Variants in RAB11FIP5 observed in about 807,000 individuals in gnomAD.
RAB11FIP5 encodes the protein rab11 family-interacting protein 5.
A neutral mutation model predicts 85.1 loss-of-function variants in RAB11FIP5; 48 were observed. The ratio of observed to expected loss-of-function variants is 0.56; its 90% CI spans 0.45 to 0.72. The LOEUF (loss-of-function observed/expected upper bound fraction) is 0.72. RAB11FIP5 is among the 30% of genes least tolerant of loss of function. RAB11FIP5 has a pLI of 0.00. For synonymous variants in RAB11FIP5, 729 were observed against 727.3 expected (o/e 1.00, Z -0.04); for missense variants, 1,491 against 1,687.0 (o/e 0.88, Z 2.04).
At chr2:73,096,101 C>T (rs1309544322) in intron 1 of RAB11FIP5, among the ~76,000 whole-genome samples, 1 of 152,228 alleles carries the variant, frequency 6.6e-6, no homozygotes. Context: ...CACCAGGCCC[C>T]GTGTGGACTT....
In RAB11FIP5 at chr2:73,081,121, C is replaced by T. The variant is rs1372583567; in HGVS notation, c.2111G>A (p.Gly704Glu). Reference protein sequence around the residue: ...AEPQGEPGGGGGGGGGGGGRG... With the variant: ...AEPQGEPGGGEGGGGGGGGRG... ...TCCTCCTCCTCCTCCTCCTCCTCCT[C>T]CTCCTCCCCCAGGCTCTCCCTGGGG... The change falls in exon 4 of 6, where the codon GGA becomes GAA. Residue 704 changes from glycine (G) to glutamate (E), a missense_variant. Gly to Glu is a moderately conservative substitution (Grantham distance 98). Transcript: ENST00000486777. The surrounding 1 kb of genome is among the most constrained non-coding windows in gnomAD (Gnocchi z 4.2). 2 of 1,234,244 alleles carry T rather than the reference C, an allele frequency of 1.6e-6. No individual in the cohort carries two copies. The highest frequency in any genetic ancestry group is 2.0e-6 in the Non-Finnish European group (2 of 989,682). 76.5% of individuals were successfully genotyped at this position (1,234,244 alleles called of 1,614,324 possible).
In RAB11FIP5 at chr2:73,089,976, A is replaced by G. The variant is rs1389254033; in HGVS notation, c.432-661T>C. On this transcript the variant is annotated intron_variant, in intron 1 of 5. Transcript: ENST00000486777. This position sits in a 1 kb window ranked among gnomAD's most constrained non-coding sequence, Gnocchi z 4.6. ...AGGAATACCTCTACAAGATGCAGGA[A>G]CAGACAAGAATGGCAGAAAGAGACC... 6.6e-6 allele frequency among the ~76,000 whole-genome samples: 1 copy of G among 152,182 alleles called. No individual in the cohort carries two copies. The highest frequency in any genetic ancestry group is 2.4e-5 in the African/African-American group (1 of 41,440).
In RAB11FIP5 at chr2:73,112,480, C is replaced by A. The variant is rs755516171; in HGVS notation, c.298G>T (p.Ala100Ser). 2 of 1,468,230 alleles carry A rather than the reference C, an allele frequency of 1.4e-6. No individual in the cohort carries two copies. The highest frequency in any genetic ancestry group is 3.0e-5 in the Admixed American group (1 of 33,128). The allele number at this position is 1,468,230 out of a possible 1,614,324, so 91.0% of individuals were successfully genotyped here. ...EADAGPAPWA[A>S]SSAAACELVL... is the part of the protein sequence containing the mutation. The stretch of plus-strand genomic sequence containing the variant: ...AGCTCGCAGGCGGCGGCGGAGCTCG[C>A]GGCCCAGGGCGCCGGGCCCGCGTCG... The change falls in exon 1 of 6, where the codon GCG becomes TCG. Residue 100 changes from alanine to serine, a missense_variant. This residue lies in a region of RAB11FIP5 where 1,211 missense variants were observed against 1,338.0 expected (regional missense o/e 0.91). Transcript: ENST00000486777.
intron 1 of RAB11FIP5, among the ~76,000 whole-genome samples, chr2:73,092,759 C>G (rs1174944267): frequency 1.3e-5 from 2 of 152,218 alleles, no homozygotes; most frequent in African/African-American, 4.8e-5. Flanking sequence ...TTTTTAGGCT[C>G]TCCCATCCAG....
Position 73,112,520 on chromosome 2 carries a change from C to T in RAB11FIP5, c.258G>A (p.Leu86=). 6.6e-7 allele frequency: 1 copy of T among 1,515,416 alleles called. No individual in the cohort carries two copies. The highest frequency in any genetic ancestry group is 2.2e-5 in the Admixed American group (1 of 46,030). The allele number at this position is 1,515,416 out of a possible 1,614,324, so 93.9% of individuals were successfully genotyped here. A position where few individuals can be genotyped will look rare whatever the true frequency, so the allele number is the denominator to read the frequency against. ...GGCCCGCGTCGGCCTCCTGCGCCCG[C>T]AGCAGGCCATCCAGGGCCCCCGGCG... ...ELPPGALDGL[L]RAQEADAGPA... The change falls in exon 1 of 6, where the codon CTG becomes CTA. Residue 86 remains leucine, a synonymous_variant. Coordinates refer to ENST00000486777, the MANE Select transcript of RAB11FIP5 (RefSeq NM_001371272.1).
Position 73,075,799 on chromosome 2 carries a change from CGCCT to C in RAB11FIP5, c.3772-79_3772-76del, listed in dbSNP as rs1202623246. 7 of 1,492,680 alleles carry C rather than the reference CGCCT, an allele frequency of 4.7e-6. No individual in the cohort carries two copies. The East Asian group carries it at 1.6e-4, about 35-fold the overall frequency. 92.5% of individuals were successfully genotyped at this position (1,492,680 alleles called of 1,614,324 possible). A position where few individuals can be genotyped will look rare whatever the true frequency, so the allele number is the denominator to read the frequency against. On this transcript the variant is annotated intron_variant, in intron 5 of 5. Coordinates refer to ENST00000486777, the MANE Select transcript of RAB11FIP5 (RefSeq NM_001371272.1). The surrounding 1 kb of genome is among the most constrained non-coding windows in gnomAD (Gnocchi z 4.6). ...CTGCCTGCCCGCTTGCCCGCCCGCC[CGCCT>C]GCCCACCAACACCTAAGTTTCACCA... is the stretch of plus-strand genomic sequence containing the variant.
In RAB11FIP5 at chr2:73,080,593, G is replaced by A. The variant is rs1240037769; in HGVS notation, c.2639C>T (p.Pro880Leu). The change falls in exon 4 of 6, where the codon CCA (proline) becomes CTA (leucine). Residue 880 changes from proline to leucine, a missense_variant. Coordinates refer to ENST00000486777, the MANE Select transcript of RAB11FIP5 (RefSeq NM_001371272.1). ...CTCGGGTTTAGGCTCGGGCTCCGGTGGGGGAAGCCCCTCGCTCCCCTTGGG... is the reference window on the plus strand; with the variant it reads ...CTCGGGTTTAGGCTCGGGCTCCGGTAGGGGAAGCCCCTCGCTCCCCTTGGG... ...VSPKGSEGLPPPEPEPKPEWV... is the reference protein window; with the variant it reads ...VSPKGSEGLPLPEPEPKPEWV... 1.6e-6 allele frequency: 2 copies of A among 1,232,440 alleles called. No individual in the cohort carries two copies. Among genetic ancestry groups the A allele is most frequent in the African/African-American group, 3.1e-5 (2 of 64,554 alleles). 76.3% of individuals were successfully genotyped at this position (1,232,440 alleles called of 1,614,324 possible).
At chr2:73,110,109 G>A (rs1419947378) in intron 1 of RAB11FIP5, among the ~76,000 whole-genome samples, 1 of 152,156 alleles carries the variant, frequency 6.6e-6, no homozygotes, top group Non-Finnish European at 1.5e-5. Flanking sequence ...ACCTTCCCCA[G>A]TCAGGTCCTC....
rs1683940561 is a variant in RAB11FIP5 at position 73,079,971 on chromosome 2, T to C, written c.3261A>G (p.Glu1087=). The C allele has an allele frequency of 8.1e-7, 1 of 1,232,058 alleles. No individual in the cohort carries two copies. The highest frequency in any genetic ancestry group is 3.2e-5 in the East Asian group (1 of 31,684). 76.3% of individuals were successfully genotyped at this position (1,232,058 alleles called of 1,614,324 possible). A position where few individuals can be genotyped will look rare whatever the true frequency, so the allele number is the denominator to read the frequency against. Residue 1087 remains glutamate (E), a synonymous_variant, in exon 4 of 6, where the codon GAA becomes GAG. Coordinates refer to ENST00000486777, the MANE Select transcript of RAB11FIP5 (RefSeq NM_001371272.1). ...LSSASPPGSR[E]SSIHSGPEEL... ...CTTCTGGACCAGAATGAATAGAAGA[T>C]TCCCTCGACCCTGGCGGGGATGCAG...
Position 73,080,347 on chromosome 2 carries a change from T to C in RAB11FIP5, c.2885A>G (p.Asp962Gly). The C allele has an allele frequency of 8.1e-7, 1 of 1,232,744 alleles. No individual in the cohort carries two copies. 76.4% of individuals were successfully genotyped at this position (1,232,744 alleles called of 1,614,324 possible). Residue 962 changes from aspartate (D) to glycine (G), a missense_variant, in exon 4 of 6, where the codon GAC becomes GGC. By Grantham distance (94) the Asp-to-Gly change is moderately conservative. Transcript: ENST00000486777. Reference sequence around the variant, plus strand: ...CAGCAGGGTTGCAGAGGAGCAGCTGTCAGACTCCTCCGACTCACGCTTCTC... The same window carrying C: ...CAGCAGGGTTGCAGAGGAGCAGCTGCCAGACTCCTCCGACTCACGCTTCTC... Reference protein sequence around the residue: ...EGEKRESEESDSCSSATLLGQ... With the variant: ...EGEKRESEESGSCSSATLLGQ...
chr2:73,111,504 A>T lies in RAB11FIP5; in HGVS notation c.431+843T>A, dbSNP rs1378674700. 2.0e-5 allele frequency among the ~76,000 whole-genome samples: 3 copies of T among 152,220 alleles called. No homozygotes were observed. In the South Asian group the frequency reaches 6.2e-4, roughly 31 times the overall value. On this transcript the variant is annotated intron_variant, in intron 1 of 5. Transcript: ENST00000486777. ...CTCCTGCCCAAGCCCAAAACAGGAA[A>T]TGGGGCTCCAAGGCTGAAGCCTTGA...
At position 73,075,030 on chromosome 2, in the gene RAB11FIP5, C is replaced by T. The variant is rs1683824781; in HGVS notation, c.*491G>A. 2.8e-6 allele frequency: 1 copy of T among 358,718 alleles called. No individual in the cohort carries two copies. The highest frequency in any genetic ancestry group is 2.1e-5 in the African/African-American group (1 of 46,912). 22.2% of individuals were successfully genotyped at this position (358,718 alleles called of 1,614,324 possible). A position where few individuals can be genotyped will look rare whatever the true frequency, so the allele number is the denominator to read the frequency against. On this transcript the variant is annotated 3_prime_UTR_variant, in exon 6 of 6. Transcript: ENST00000486777. The surrounding 1 kb of genome is among the most constrained non-coding windows in gnomAD (Gnocchi z 4.6). ...GGCTGAAGAGGCTGGTTGCCCGTAA[C>T]TCACAGACAAACAGGCAGCGTGGTC...
Position 73,088,497 on chromosome 2 carries a change from C to A in RAB11FIP5, c.1121G>T (p.Arg374Leu). 1.2e-6 allele frequency: 2 copies of A among 1,613,994 alleles called. No individual in the cohort carries two copies. The highest frequency in any genetic ancestry group is 1.7e-6 in the Non-Finnish European group (2 of 1,180,042). ...SSGSLQAVSS[R>L]FSEEGPRSTD... ...GGAACGAGGCCCCTCCTCGGAGAACCGGGAAGAGACAGCTTGCAAGGAGCC... is the reference window on the plus strand; with the variant it reads ...GGAACGAGGCCCCTCCTCGGAGAACAGGGAAGAGACAGCTTGCAAGGAGCC... Residue 374 changes from arginine to leucine, a missense_variant, in exon 3 of 6, where the codon CGG becomes CTG. Coordinates refer to ENST00000486777, the MANE Select transcript of RAB11FIP5 (RefSeq NM_001371272.1).
chr2:73,090,761 G>C (rs928236215), intron 1 of RAB11FIP5, among the ~76,000 whole-genome samples: 2 of 152,248 alleles, frequency 1.3e-5, no homozygotes, highest in African/African-American at 2.4e-5. Context: ...GCGATGAATA[G>C]GCAGAGCACA....
chr2:73,088,328 C>T lies in RAB11FIP5; in HGVS notation c.1290G>A (p.Glu430=), dbSNP rs140983118. The change falls in exon 3 of 6, where the codon GAG becomes GAA. Residue 430 remains glutamate, a synonymous_variant. Coordinates refer to ENST00000486777, the MANE Select transcript of RAB11FIP5 (RefSeq NM_001371272.1). ...PGEEEGARLP[E]GKPVQVATPI... ...GTGTGGCAACCTGGACTGGCTTGCC[C>T]TCTGGTAGCCGGGCCCCCTCCTCCT... 5.7e-4 allele frequency: 919 copies of T among 1,613,724 alleles called. 4 individuals carry two copies. Among genetic ancestry groups the T allele is most frequent in the African/African-American group, 5.7e-3 (425 of 75,040 alleles).
At position 73,097,911 on chromosome 2, in the gene RAB11FIP5, A is replaced by G. The variant is rs1684352836; in HGVS notation, c.432-8596T>C. ...AACTCCAGCCCATCTCTTGGCCCAAAAAGGCCACTGATCTTATCCCCATTA... is the reference window on the plus strand; with the variant it reads ...AACTCCAGCCCATCTCTTGGCCCAAGAAGGCCACTGATCTTATCCCCATTA... On this transcript the variant is annotated intron_variant, in intron 1 of 5. Coordinates refer to ENST00000486777, the MANE Select transcript of RAB11FIP5 (RefSeq NM_001371272.1). Among the ~76,000 whole-genome samples the G allele has an allele frequency of 2.0e-5, 3 of 152,182 alleles. No homozygotes were observed. The South Asian group carries it at 6.2e-4, about 32-fold the overall frequency.
chr2:73,089,296 T>C lies in RAB11FIP5; in HGVS notation c.451A>G (p.Lys151Glu), dbSNP rs373842250. 2 of 1,613,742 alleles carry C rather than the reference T, an allele frequency of 1.2e-6. No homozygotes were observed. Among genetic ancestry groups the C allele is most frequent in the Non-Finnish European group, 8.5e-7 (1 of 1,179,996 alleles). Residue 151 changes from lysine (K) to glutamate (E), a missense_variant, in exon 2 of 6, where the codon AAG (lysine) becomes GAG (glutamate). Physicochemically the swap from Lys to Glu is moderately conservative, Grantham distance 56. Transcript: ENST00000486777. This position sits in a 1 kb window ranked among gnomAD's most constrained non-coding sequence, Gnocchi z 4.6. ...CGTTCCTTCTCCTTCTTGCCTGGCT[T>C]GGAGTGCAGCTTGTACCACCTGTGA... ...QHTQWYKLHS[K>E]PGKKEKERGE...
At chr2:73,076,343 A>G (rs1389495705) in intron 4 of RAB11FIP5, among the ~76,000 whole-genome samples, 161 bp from the exon 5 acceptor site, 2 of 152,100 alleles carry the variant, frequency 1.3e-5, no homozygotes, top group African/African-American at 4.8e-5. Context: ...AGCGGTGTCC[A>G]GTACTCCTCA....
intron 4 of RAB11FIP5, among the ~76,000 whole-genome samples, chr2:73,077,750 T>A (rs1026339985): frequency 6.6e-6 from 1 of 152,254 alleles, no homozygotes; most frequent in African/African-American, 2.4e-5. Context: ...CAGGCTAAGA[T>A]GACCCTTCTC....
Sources: allele counts gnomAD v4.1 joint callset (sites outside exome capture counted in the v4.1 genomes callset), GRCh38; gene constraint gnomAD v4.1.1; regional missense constraint gnomAD v4.1.1; non-coding constraint Gnocchi (gnomAD v3.1); transcripts MANE v1.5; gene names NCBI Gene and HGNC (gene_info 2026-07-23, HGNC 2026-07-21).